Variants in ZDHHC7 observed in about 807,000 individuals in gnomAD.
The protein encoded by ZDHHC7 is palmitoyltransferase ZDHHC7.
A neutral mutation model predicts 34.1 loss-of-function variants in ZDHHC7; 12 were observed. The ratio of observed to expected loss-of-function variants is 0.35; its 90% CI spans 0.23 to 0.57. The LOEUF is 0.57. ZDHHC7 is among the 20% of genes least tolerant of loss of function. The probability of loss-of-function intolerance (pLI) is 0.84; values close to 1 mark genes in which losing one functional copy is unlikely to be tolerated. For synonymous variants in ZDHHC7, 185 were observed against 155.4 expected (o/e 1.19, Z -1.42); for missense variants, 388 against 402.7 (o/e 0.96, Z 0.31).
intron 4 of ZDHHC7, among the ~76,000 whole-genome samples, chr16:84,979,949 CTTTT>C (rs561019555): frequency 9.4e-5 from 9 of 96,016 alleles, no homozygotes; most frequent in Admixed American, 1.4e-4. Flanking sequence ...ATAGCGTCAC[CTTTT>C]TTTTTTTTTT....
chr16:85,000,296 A>C (rs2072637120), intron 1 of ZDHHC7, among the ~76,000 whole-genome samples: 1 of 152,178 alleles, frequency 6.6e-6, no homozygotes, highest in African/African-American at 2.4e-5. Context: ...CAGTGGAGTC[A>C]CTTTTCTTCC....
intron 7 of ZDHHC7, 46 bp downstream of exon 7, chr16:84,977,049 A>G (rs1301130767): frequency 2.5e-6 from 4 of 1,610,408 alleles, no homozygotes; most frequent in Non-Finnish European, 3.4e-6. Context: ...CATTTACTCA[A>G]GCTTGGACCA....
At chr16:85,026,992 C>A in the ZDHHC7 span, among the ~76,000 whole-genome samples, 1 of 152,152 alleles carries the variant, frequency 6.6e-6, no homozygotes, top group African/African-American at 2.4e-5. Flanking sequence ...ACTAAAAAGG[C>A]GTCCAAAGGC....
chr16:84,982,229 C>T (rs572641524), intron 3 of ZDHHC7: 5 of 381,688 alleles, frequency 1.3e-5, no homozygotes, highest in South Asian at 4.7e-5. Flanking sequence ...CCTGTAATCC[C>T]AGCTACTTAG....
chr16:84,995,868 T>G (rs148139792), intron 2 of ZDHHC7, 54 bp downstream of exon 2: 133 of 152,312 alleles, frequency 8.7e-4, no homozygotes, highest in African/African-American at 3.1e-3. Context: ...TACAAGCTAG[T>G]GTCAGCTGTG....
At chr16:85,013,979 C>T (rs557763695), upstream of ZDHHC7, among the ~76,000 whole-genome samples, 5 of 152,316 alleles carry the variant, frequency 3.3e-5, no homozygotes, top group South Asian at 6.2e-4. Context: ...TGAGCCACTG[C>T]ACTCAGCCTA....
chr16:84,988,867 A>AT (rs1597543488), intron 3 of ZDHHC7: 6 of 1,551,620 alleles, frequency 3.9e-6, no homozygotes, highest in East Asian at 2.4e-5. Context: ...CAGTCACTGG[A>AT]TTTTTCCTAC....
At chr16:84,979,986 G>C (rs1399962533) in intron 4 of ZDHHC7, among the ~76,000 whole-genome samples, 2 of 112,272 alleles carry the variant, frequency 1.8e-5, no homozygotes, top group African/African-American at 3.5e-5. Context: ...ATGGAGTCTT[G>C]CTCTGTCGCC....
intron 4 of ZDHHC7, among the ~76,000 whole-genome samples, chr16:84,981,181 C>A (rs1394418206): frequency 6.6e-6 from 1 of 152,168 alleles, no homozygotes; most frequent in Admixed American, 6.5e-5. Context: ...AAAAAGGAGT[C>A]AGGAACTGGC....
At chr16:84,999,925 C>CT (rs2072631824) in intron 1 of ZDHHC7, among the ~76,000 whole-genome samples, 3 of 152,160 alleles carry the variant, frequency 2.0e-5, no homozygotes. Context: ...GGCAGGATCA[C>CT]TTAAGCCCAA....
chr16:85,004,708 C>T (rs1597562692), intron 1 of ZDHHC7, among the ~76,000 whole-genome samples: 3 of 152,194 alleles, frequency 2.0e-5, no homozygotes, highest in African/African-American at 7.2e-5. Context: ...ACAAACATTT[C>T]TTGAGTGAAT....
intron 4 of ZDHHC7, among the ~76,000 whole-genome samples, chr16:84,979,634 C>A (rs1177641344): frequency 6.6e-6 from 1 of 152,056 alleles, no homozygotes; most frequent in Non-Finnish European, 1.5e-5. Flanking sequence ...AAAACAAAAA[C>A]TGAAATTTTA....
At chr16:85,017,835 T>C in the ZDHHC7 span, among the ~76,000 whole-genome samples, 1 of 152,146 alleles carries the variant, frequency 6.6e-6, no homozygotes, top group East Asian at 1.9e-4. Flanking sequence ...CTCAAGGGAA[T>C]GCGGGCGGAC....
intron 1 of ZDHHC7, among the ~76,000 whole-genome samples, chr16:85,007,539 C>T (rs72803526): frequency 0.026 from 3,959 of 150,496 alleles, 84 homozygotes; most frequent in Non-Finnish European, 0.04. Flanking sequence ...ATGGAAAAAA[C>T]AATCAAAAAG....
chr16:84,976,312 G>C lies in ZDHHC7; in HGVS notation c.*31C>G. The C allele has an allele frequency of 6.2e-7, 1 of 1,609,078 alleles. No homozygotes were observed. The highest frequency in any genetic ancestry group is 8.5e-7 in the Non-Finnish European group (1 of 1,178,932). ...ACCCCAAATAAATAACTGGAAGTCT[G>C]TGAGCAAGTTTCAGTCTGATGAGCC... On this transcript the variant is annotated 3_prime_UTR_variant, in exon 8 of 8. Transcript: ENST00000313732.
intron 1 of ZDHHC7, among the ~76,000 whole-genome samples, chr16:85,010,676 GTGTC>G (rs2072779003): frequency 6.8e-6 from 1 of 146,502 alleles, no homozygotes; most frequent in South Asian, 2.2e-4. Flanking sequence ...CTAATAAAGT[GTGTC>G]TATCTAACTG....
rs953278860 is a variant in ZDHHC7 at position 84,976,255 on chromosome 16, T to C, written c.*88A>G. 3.3e-6 allele frequency: 5 copies of C among 1,529,042 alleles called. No individual in the cohort carries two copies. Among genetic ancestry groups the C allele is most frequent in the Middle Eastern group, 1.8e-4 (1 of 5,674 alleles). 94.7% of individuals were successfully genotyped at this position (1,529,042 alleles called of 1,614,324 possible). On this transcript the variant is annotated 3_prime_UTR_variant, in exon 8 of 8. Coordinates refer to ENST00000313732, the MANE Select transcript of ZDHHC7 (RefSeq NM_017740.3). Reference sequence around the variant, plus strand: ...GTTTGTGTAGGTTCCAGTTGCCCTGTTGGTCACAGATGAGCTGTTGATATC... The same window carrying C: ...GTTTGTGTAGGTTCCAGTTGCCCTGCTGGTCACAGATGAGCTGTTGATATC...
At chr16:85,001,668 C>T (rs1351331745) in intron 1 of ZDHHC7, among the ~76,000 whole-genome samples, 1 of 152,074 alleles carries the variant, frequency 6.6e-6, no homozygotes, top group Admixed American at 6.6e-5. Context: ...TATTTACTTG[C>T]TCTGTCAGCT....
intron 3 of ZDHHC7, among the ~76,000 whole-genome samples, chr16:84,985,668 A>G (rs1391041130): frequency 6.6e-6 from 1 of 152,170 alleles, no homozygotes; most frequent in African/African-American, 2.4e-5. Flanking sequence ...AAAAGAATTG[A>G]GACAGGCCAG....
Sources: gnomAD v4.1 joint callset for allele counts (sites outside exome capture counted in the v4.1 genomes callset) on GRCh38, gnomAD v4.1.1 for gene constraint, MANE v1.5 for transcripts, NCBI Gene and HGNC (gene_info 2026-07-23, HGNC 2026-07-21) for gene names.